Variants in CHAMP1 observed in about 807,000 individuals in gnomAD.
CHAMP1 encodes chromosome alignment maintaining phosphoprotein 1.
A neutral mutation model predicts 54.5 loss-of-function variants in CHAMP1; 4 were observed. The ratio of observed to expected loss-of-function variants is 0.07; its 90% CI spans 0.04 to 0.17. The LOEUF is 0.17. Among genes scored for constraint, CHAMP1 ranks in the 10% least tolerant of loss-of-function variants. The pLI is 1.00. For synonymous variants in CHAMP1, 368 were observed against 342.2 expected (o/e 1.08, Z -0.83); for missense variants, 994 against 968.6 (o/e 1.03, Z -0.35).
In CHAMP1 at chr13:114,325,603, A is replaced by G. The variant is rs782752637; in HGVS notation, c.1761A>G (p.Ile587Met). ...GTGATGAACTACAAATAGATGCCAT[A>G]GATGATCAAAAATGTGATATTTTGG... ...ELGDELQIDA[I>M]DDQKCDILVQ... The change falls in exon 3 of 3, where the codon ATA becomes ATG. Residue 587 changes from isoleucine to methionine, a missense_variant. Coordinates refer to ENST00000361283, the MANE Select transcript of CHAMP1 (RefSeq NM_032436.4). The G allele has an allele frequency of 1.2e-6, 2 of 1,614,250 alleles. No individual in the cohort carries two copies. Among genetic ancestry groups the G allele is most frequent in the Non-Finnish European group, 1.7e-6 (2 of 1,180,042 alleles).
Position 114,324,440 on chromosome 13 carries a change from G to A in CHAMP1, c.598G>A (p.Ala200Thr). The change falls in exon 3 of 3, where the codon GCC becomes ACC. Residue 200 changes from alanine to threonine, a missense_variant. Physicochemically the swap from Ala to Thr is moderately conservative, Grantham distance 58 (BLOSUM62 0). This residue lies in a region of CHAMP1 where 851 missense variants were observed against 701.3 expected (regional missense o/e 1.21). Transcript: ENST00000361283. ...SVPVCESQKL[A>T]PVPSPEPQKP... ...CCCTGTTTGTGAGTCTCAGAAACTT[G>A]CCCCTGTTCCTTCTCCAGAACCACA... 1.2e-6 allele frequency: 2 copies of A among 1,614,060 alleles called. No homozygotes were observed. Among genetic ancestry groups the A allele is most frequent in the South Asian group, 2.2e-5 (2 of 91,078 alleles).
chr13:114,315,501 TA>T (rs1164020424), intron 1 of CHAMP1, among the ~76,000 whole-genome samples: 1 of 152,216 alleles, frequency 6.6e-6, no homozygotes, highest in Non-Finnish European at 1.5e-5. Flanking sequence ...TATATACATA[TA>T]ATGAATGGAC....
rs782625369 is a variant in CHAMP1, at chr13:114,324,274, A to G, written c.432A>G (p.Glu144=). The G allele has an allele frequency of 6.2e-7, 1 of 1,614,190 alleles. No individual in the cohort carries two copies. The highest frequency in any genetic ancestry group is 1.7e-5 in the Admixed American group (1 of 60,012). The change falls in exon 3 of 3, where the codon GAA becomes GAG. Residue 144 remains glutamate (E), a synonymous_variant. Transcript: ENST00000361283. ...AACTTGGTTCAGTTTTGTCTCCAGAATCGCCAAAACCTACTCCTCTTACTC... is the reference window on the plus strand; with the variant it reads ...AACTTGGTTCAGTTTTGTCTCCAGAGTCGCCAAAACCTACTCCTCTTACTC... ...TQKLGSVLSP[E]SPKPTPLTPL... is the part of the protein sequence containing the mutation.
At position 114,324,336 on chromosome 13, in the gene CHAMP1, C is replaced by T. The variant is rs148563449; in HGVS notation, c.494C>T (p.Pro165Leu). The T allele has an allele frequency of 4.3e-4, 700 of 1,614,110 alleles. No individual in the cohort carries two copies. Among genetic ancestry groups the T allele is most frequent in the Admixed American group, 1.5e-3 (88 of 60,010 alleles). ...CAGAAACCTGGCTCTGTTGTTTCTC[C>T]TGAGCTACAGACACCTCTTCCTTCT... The part of the protein sequence containing the change: ...EPQKPGSVVS[P>L]ELQTPLPSPE... Residue 165 changes from proline to leucine, a missense_variant, in exon 3 of 3, where the codon CCT becomes CTT. By Grantham distance (98) the Pro-to-Leu change is moderately conservative. This residue lies in a region of CHAMP1 where 851 missense variants were observed against 701.3 expected (regional missense o/e 1.21). Transcript: ENST00000361283.
chr13:114,315,163 C>G (rs948234801), intron 1 of CHAMP1, among the ~76,000 whole-genome samples: 2 of 152,088 alleles, frequency 1.3e-5, no homozygotes, highest in African/African-American at 4.8e-5. Flanking sequence ...GGCCAATAAG[C>G]ACGTGCAGTG....
chr13:114,323,611 C>G (rs548232869), intron 2 of CHAMP1, 177 bp from the exon 3 acceptor site: 1 of 474,922 alleles, frequency 2.1e-6, no homozygotes, highest in African/African-American at 2.0e-5. Context: ...TGTGAAACTC[C>G]TAGCAGAGTG....
chr13:114,325,245 C>T lies in CHAMP1; in HGVS notation c.1403C>T (p.Ser468Phe), dbSNP rs2087231253. Reference sequence around the variant, plus strand: ...CCTGCTTCACTTGATTTCCCTGAGTCCCAGAAAAGTTCCCGTGGTGGTTCT... The same window carrying T: ...CCTGCTTCACTTGATTTCCCTGAGTTCCAGAAAAGTTCCCGTGGTGGTTCT... ...TSPASLDFPE[S>F]QKSSRGGSPD... The change falls in exon 3 of 3, where the codon TCC becomes TTC. Residue 468 changes from serine to phenylalanine, a missense_variant. By Grantham distance (155) the Ser-to-Phe change is radical. This residue lies in a region of CHAMP1 where 851 missense variants were observed against 701.3 expected (regional missense o/e 1.21). Coordinates refer to ENST00000361283, the MANE Select transcript of CHAMP1 (RefSeq NM_032436.4). The T allele has an allele frequency of 6.2e-7, 1 of 1,614,010 alleles. No homozygotes were observed. Among genetic ancestry groups the T allele is most frequent in the Non-Finnish European group, 8.5e-7 (1 of 1,180,032 alleles).
rs3813131 is a variant in CHAMP1 at position 114,324,544 on chromosome 13, G to C, written c.702G>C (p.Pro234=). The C allele has an allele frequency of 1.2e-6, 2 of 1,613,846 alleles. No individual in the cohort carries two copies. Among genetic ancestry groups the C allele is most frequent in the African/African-American group, 2.7e-5 (2 of 74,874 alleles). Residue 234 remains proline, a synonymous_variant, in exon 3 of 3, where the codon CCG becomes CCC. Transcript: ENST00000361283. The part of the protein sequence containing the change: ...NPKPQKQSHF[P]ETLGPPSASS... ...AACCCCAGAAGCAGTCTCATTTCCC[G>C]GAAACATTGGGGCCACCTTCAGCCT...
chr13:114,318,857 CTTTTTTTTTTT>C (rs56669844), intron 1 of CHAMP1, among the ~76,000 whole-genome samples: 15 of 24,154 alleles, frequency 6.2e-4, no homozygotes, highest in East Asian at 1.5e-3. Flanking sequence ...TCCTGGTTGC[CTTTTTTTTTTT>C]TTTTTTTTTT....
At chr13:114,315,504 T>C (rs2087085842) in intron 1 of CHAMP1, among the ~76,000 whole-genome samples, 1 of 152,228 alleles carries the variant, frequency 6.6e-6, no homozygotes, top group Non-Finnish European at 1.5e-5. Flanking sequence ...ATACATATAA[T>C]GAATGGACCA....
rs2087250424 is a variant in CHAMP1 at position 114,326,309 on chromosome 13, A to G, written c.*28A>G. Reference sequence around the variant, plus strand: ...ACACAGTGTGAATATTTGTTCTACAAAGGTGTTTGTTGGAACCATTCTTTG... The same window carrying G: ...ACACAGTGTGAATATTTGTTCTACAGAGGTGTTTGTTGGAACCATTCTTTG... On this transcript the variant is annotated 3_prime_UTR_variant, in exon 3 of 3. Coordinates refer to ENST00000361283, the MANE Select transcript of CHAMP1 (RefSeq NM_032436.4). The G allele has an allele frequency of 2.0e-6, 3 of 1,536,404 alleles. No individual in the cohort carries two copies.
Position 114,316,960 on chromosome 13 carries a change from C to T in CHAMP1, c.-179+2317C>T, listed in dbSNP as rs111549882. On this transcript the variant is annotated intron_variant, in intron 1 of 2. Coordinates refer to ENST00000361283, the MANE Select transcript of CHAMP1 (RefSeq NM_032436.4). Reference sequence around the variant, plus strand: ...AGATAGGTGGGAATTCTTGTACATTCCCTTCAGTTTTTCTTCAAACATAAA... The same window carrying T: ...AGATAGGTGGGAATTCTTGTACATTTCCTTCAGTTTTTCTTCAAACATAAA... Among the ~76,000 whole-genome samples, 242 of 152,188 alleles carry T rather than the reference C, an allele frequency of 1.6e-3. 4 individuals carry two copies. The highest frequency in any genetic ancestry group is 3.4e-3 in the Middle Eastern group (1 of 294).
intron 2 of CHAMP1, among the ~76,000 whole-genome samples, chr13:114,321,910 G>A (rs1555379150): frequency 6.6e-6 from 1 of 151,924 alleles, no homozygotes; most frequent in Non-Finnish European, 1.5e-5. Flanking sequence ...TCAAGTATCT[G>A]TCACCTTTTT....
chr13:114,326,102 A>C lies in CHAMP1; in HGVS notation c.2260A>C (p.Lys754Gln). The C allele has an allele frequency of 6.2e-7, 1 of 1,612,614 alleles. No homozygotes were observed. The highest frequency in any genetic ancestry group is 8.5e-7 in the Non-Finnish European group (1 of 1,179,276). Residue 754 changes from lysine to glutamine, a missense_variant, in exon 3 of 3, where the codon AAA (lysine) becomes CAA (glutamine). Transcript: ENST00000361283. ...GGCTTTTCTTTTGGAATCTCTCCTT[A>C]AAAATCATGTAGCAGCCCATGGGCA... Reference protein sequence around the residue: ...GKAFLLESLLKNHVAAHGQSL... With the variant: ...GKAFLLESLLQNHVAAHGQSL...
At chr13:114,315,913 T>C (rs2087093331) in intron 1 of CHAMP1, among the ~76,000 whole-genome samples, 1 of 149,354 alleles carries the variant, frequency 6.7e-6, no homozygotes, top group African/African-American at 2.5e-5. Flanking sequence ...CTTGGCTCAC[T>C]GCAACCTCCG....
In CHAMP1 at chr13:114,324,876, C is replaced by T. The variant is rs1050189129; in HGVS notation, c.1034C>T (p.Pro345Leu). The T allele has an allele frequency of 1.9e-6, 3 of 1,614,172 alleles. No homozygotes were observed. The highest frequency in any genetic ancestry group is 3.3e-5 in the Admixed American group (2 of 60,022). The change falls in exon 3 of 3, where the codon CCT becomes CTT. Residue 345 changes from proline (P) to leucine (L), a missense_variant. By Grantham distance (98) the Pro-to-Leu change is moderately conservative. This residue lies in a region of CHAMP1 where 851 missense variants were observed against 701.3 expected (regional missense o/e 1.21). Transcript: ENST00000361283. Reference sequence around the variant, plus strand: ...GCTAAACCTGCTCCATCTGTGTCTCCTGGACCTTGGAAACCAATTCCTTCT... The same window carrying T: ...GCTAAACCTGCTCCATCTGTGTCTCTTGGACCTTGGAAACCAATTCCTTCT... ...KPAKPAPSVS[P>L]GPWKPIPSVS...
At chr13:114,318,803 T>G (rs2087131932) in intron 1 of CHAMP1, among the ~76,000 whole-genome samples, 1 of 150,922 alleles carries the variant, frequency 6.6e-6, no homozygotes, top group Non-Finnish European at 1.5e-5. Flanking sequence ...GTTAAATGTC[T>G]TTATTTGTAA....
In CHAMP1 at chr13:114,323,973, T is replaced by G; in HGVS notation, c.131T>G (p.Met44Arg). 6.2e-7 allele frequency: 1 copy of G among 1,614,152 alleles called. No individual in the cohort carries two copies. Among genetic ancestry groups the G allele is most frequent in the African/African-American group, 1.3e-5 (1 of 75,032 alleles). ...GTIHPEFCDE[M>R]DAGGLGKMIF... Reference sequence around the variant, plus strand: ...ATCCATCCAGAATTTTGTGATGAAATGGATGCTGGTGGGCTAGGCAAAATG... The same window carrying G: ...ATCCATCCAGAATTTTGTGATGAAAGGGATGCTGGTGGGCTAGGCAAAATG... The change falls in exon 3 of 3, where the codon ATG becomes AGG. Residue 44 changes from methionine (M) to arginine (R), a missense_variant. Coordinates refer to ENST00000361283, the MANE Select transcript of CHAMP1 (RefSeq NM_032436.4).
At chr13:114,318,312 A>G (rs1204560700) in intron 1 of CHAMP1, among the ~76,000 whole-genome samples, 1 of 134,882 alleles carries the variant, frequency 7.4e-6, no homozygotes, top group Non-Finnish European at 1.6e-5. Flanking sequence ...GCTGATCATC[A>G]TTTTTTTTTT....
Sources: gnomAD v4.1 joint callset for allele counts (sites outside exome capture counted in the v4.1 genomes callset) on GRCh38, gnomAD v4.1.1 for gene constraint, gnomAD v4.1.1 regional missense constraint, MANE v1.5 for transcripts, NCBI Gene and HGNC (gene_info 2026-07-23, HGNC 2026-07-21) for gene names.